CA3: variants seen among roughly 807,000 people sequenced by gnomAD.
CA3 encodes CA-III.
In CA3, 30 loss-of-function variants were observed where a neutral mutation model predicts 35.7. The ratio of observed to expected loss-of-function variants is 0.84; its 90% CI spans 0.63 to 1.14. The LOEUF (loss-of-function observed/expected upper bound fraction) is 1.14, where lower values mean the gene tolerates loss of function less well. CA3 is among the 50% of genes most tolerant of loss of function. The pLI, the probability that CA3 is intolerant of heterozygous loss-of-function variation, is 0.00. For missense variants in CA3, 295 were observed against 328.5 expected (o/e 0.90, Z 0.79); for synonymous variants, 131 against 130.8 (o/e 1.00, Z -0.01).
At position 85,444,042 on chromosome 8, in the gene CA3, G is replaced by T; in HGVS notation, c.360G>T (p.Leu120Phe). 1 of 1,608,530 alleles carries T rather than the reference G, an allele frequency of 6.2e-7. No homozygotes were observed. Among genetic ancestry groups the T allele is most frequent in the Non-Finnish European group, 8.5e-7 (1 of 1,174,890 alleles). The change falls in exon 4 of 7, where the codon TTG (leucine) becomes TTT (phenylalanine). Residue 120 changes from leucine (L) to phenylalanine (F), a missense_variant. Leu to Phe is a conservative substitution (Grantham distance 22, BLOSUM62 0). Transcript: ENST00000285381. ...GTCTTCTATGGTTTCAGCTTCATTTGGTTCACTGGAACCCGAAGTATAACA... is the reference window on the plus strand; with the variant it reads ...GTCTTCTATGGTTTCAGCTTCATTTTGTTCACTGGAACCCGAAGTATAACA... Reference protein sequence around the residue: ...DGVKYAAELHLVHWNPKYNTF... With the variant: ...DGVKYAAELHFVHWNPKYNTF...
chr8:85,446,225 C>T lies in CA3; in HGVS notation c.591C>T (p.Phe197=), dbSNP rs1358227998. The change falls in exon 6 of 7, where the codon TTC becomes TTT. Residue 197 remains phenylalanine (F), a synonymous_variant. Coordinates refer to ENST00000285381, the MANE Select transcript of CA3 (RefSeq NM_005181.4). ...ACTACTGGACCTACCAGGGCTCATT[C>T]ACCACGCCGCCCTGCGAGGAATGCA... ...CRDYWTYQGS[F]TTPPCEECIV... is the part of the protein sequence containing the mutation. 1.9e-6 allele frequency: 3 copies of T among 1,614,068 alleles called. No homozygotes were observed. The highest frequency in any genetic ancestry group is 2.2e-5 in the East Asian group (1 of 44,890).
Position 85,438,895 on chromosome 8 carries a change from C to T in CA3, c.-15C>T. On this transcript the variant is annotated 5_prime_UTR_variant, in exon 1 of 7. The change creates a new upstream start codon in the 5' untranslated region. Transcript: ENST00000285381. ...AAGAGAAAGCAGGAGCCGTCCAGCA[C>T]GGAGGAAGGCGACCATGGCCAAGGA... The T allele has an allele frequency of 6.4e-7, 1 of 1,550,982 alleles. No individual in the cohort carries two copies. Among genetic ancestry groups the T allele is most frequent in the Non-Finnish European group, 8.7e-7 (1 of 1,146,966 alleles).
At position 85,446,316 on chromosome 8, in the gene CA3, A is replaced by G; in HGVS notation, c.663+19A>G. The G allele has an allele frequency of 6.2e-7, 1 of 1,604,446 alleles. No individual in the cohort carries two copies. Reference sequence around the variant, plus strand: ...TGACCAGGTGAGCAGCCTTGTGAACACGTGGGCTTATGTTGCTGTCTGCCT... The same window carrying G: ...TGACCAGGTGAGCAGCCTTGTGAACGCGTGGGCTTATGTTGCTGTCTGCCT... On this transcript the variant is annotated intron_variant, in intron 6 of 6. Coordinates refer to ENST00000285381, the MANE Select transcript of CA3 (RefSeq NM_005181.4).
At chr8:85,441,954 C>T in intron 2 of CA3, 119 bp from the exon 3 acceptor site, 2 of 702,490 alleles carry the variant, frequency 2.8e-6, no homozygotes, top group Non-Finnish European at 5.2e-6. Context: ...TGGCACCATC[C>T]ACCCAGCAAA....
At chr8:85,439,297 C>T (rs139502344) in intron 1 of CA3, among the ~76,000 whole-genome samples, 253 of 152,264 alleles carry the variant, frequency 1.7e-3, no homozygotes, top group Middle Eastern at 3.4e-3. Flanking sequence ...GAGCTTGGTG[C>T]CGGTGTGAGA....
intron 3 of CA3, among the ~76,000 whole-genome samples, chr8:85,442,920 T>A (rs2130503378): frequency 6.6e-6 from 1 of 152,336 alleles, no homozygotes; most frequent in Middle Eastern, 3.4e-3. Context: ...GTCACACGGC[T>A]GGTGAGTGCT....
Position 85,446,176 on chromosome 8 carries a change from C to A in CA3, c.542C>A (p.Ser181Tyr). 1 of 1,613,032 alleles carries A rather than the reference C, an allele frequency of 6.2e-7. No individual in the cohort carries two copies. The highest frequency in any genetic ancestry group is 8.5e-7 in the Non-Finnish European group (1 of 1,179,354). The change falls in exon 6 of 7, where the codon TCC becomes TAC. Residue 181 changes from serine (S) to tyrosine (Y), a missense_variant. Transcript: ENST00000285381. ...KEAPFTKFDP[S>Y]CLFPACRDYW... ...GCGCCCTTCACAAAGTTTGACCCAT[C>A]CTGCCTGTTCCCGGCATGCCGGGAC...
At chr8:85,446,393 C>A in intron 6 of CA3, 96 bp downstream of exon 6, 1 of 1,344,750 alleles carries the variant, frequency 7.4e-7, no homozygotes, top group Non-Finnish European at 1.0e-6. Flanking sequence ...ACTGGATACT[C>A]ACTGAACAGC....
At chr8:85,440,508 T>C (rs1281677209) in intron 2 of CA3, among the ~76,000 whole-genome samples, 3 of 152,188 alleles carry the variant, frequency 2.0e-5, no homozygotes, top group Admixed American at 2.0e-4. Context: ...TAGTAGTTTG[T>C]GTGTGAGACA....
rs188461319 is a variant in CA3, at chr8:85,440,268, A to G, written c.232+359A>G. Among the ~76,000 whole-genome samples, 407 of 152,264 alleles carry G rather than the reference A, an allele frequency of 2.7e-3. 7 individuals carry two copies. Among genetic ancestry groups the G allele is most frequent in the South Asian group, 4.4e-3 (21 of 4,820 alleles). Reference sequence around the variant, plus strand: ...TGTGCTTCTTGTCCATGGTCTGGAGAGCCAGGCTTCCACTCTCAATTGCAT... The same window carrying G: ...TGTGCTTCTTGTCCATGGTCTGGAGGGCCAGGCTTCCACTCTCAATTGCAT... On this transcript the variant is annotated intron_variant, in intron 2 of 6. Transcript: ENST00000285381.
Position 85,446,133 on chromosome 8 carries a change from C to G in CA3, c.508-9C>G. 6.3e-7 allele frequency: 1 copy of G among 1,599,336 alleles called. No individual in the cohort carries two copies. The highest frequency in any genetic ancestry group is 8.5e-7 in the Non-Finnish European group (1 of 1,171,134). ...GCACTCACTGCACCTGCAACCTGCT[C>G]TTACCCAGGGCAAGGAGGCGCCCTT... On this transcript the variant is annotated splice_polypyrimidine_tract_variant and intron_variant, in intron 5 of 6. Transcript: ENST00000285381.
At chr8:85,444,710 CTTCT>C (rs1448361631) in intron 4 of CA3, among the ~76,000 whole-genome samples, 1 of 152,206 alleles carries the variant, frequency 6.6e-6, no homozygotes, top group Non-Finnish European at 1.5e-5. Flanking sequence ...GAAAATCTGG[CTTCT>C]TTCTCTTTGA....
chr8:85,447,643 A>T (rs1474967176), intron 6 of CA3, among the ~76,000 whole-genome samples: 2 of 152,228 alleles, frequency 1.3e-5, no homozygotes, highest in African/African-American at 4.8e-5. Context: ...AACGCCTGTA[A>T]TCCCAGTACT....
Position 85,446,270 on chromosome 8 carries a change from G to T in CA3, c.636G>T (p.Lys212Asn). 6.2e-7 allele frequency: 1 copy of T among 1,614,034 alleles called. No individual in the cohort carries two copies. Among genetic ancestry groups the T allele is most frequent in the Non-Finnish European group, 8.5e-7 (1 of 1,179,890 alleles). ...CEECIVWLLL[K>N]EPMTVSSDQM... ...AATGCATTGTGTGGCTGCTGCTGAA[G>T]GAGCCCATGACCGTGAGCTCTGACC... Residue 212 changes from lysine to asparagine, a missense_variant, in exon 6 of 7, where the codon AAG (lysine) becomes AAT (asparagine). Coordinates refer to ENST00000285381, the MANE Select transcript of CA3 (RefSeq NM_005181.4).
At chr8:85,441,158 T>G (rs1811202193) in intron 2 of CA3, among the ~76,000 whole-genome samples, 1 of 152,216 alleles carries the variant, frequency 6.6e-6, no homozygotes. Context: ...CTGGGCCACT[T>G]AGTGTGGGCA....
chr8:85,446,797 C>A (rs1811299091), intron 6 of CA3, among the ~76,000 whole-genome samples: 1 of 152,200 alleles, frequency 6.6e-6, no homozygotes, highest in East Asian at 1.9e-4. Context: ...TCTAATCCCA[C>A]CTCCAAACTG....
At chr8:85,439,113 T>C (rs1811170443) in intron 1 of CA3, among the ~76,000 whole-genome samples, 170 bp downstream of exon 1, 1 of 152,262 alleles carries the variant, frequency 6.6e-6, no homozygotes, top group South Asian at 2.1e-4. Flanking sequence ...CTTCTTTTTT[T>C]CCTTCATCTC....
rs974584471 is a variant in CA3 at position 85,445,162 on chromosome 8, C to G, written c.451C>G (p.His151Asp). 4 of 1,602,108 alleles carry G rather than the reference C, an allele frequency of 2.5e-6. No individual in the cohort carries two copies. The highest frequency in any genetic ancestry group is 3.4e-6 in the Non-Finnish European group (4 of 1,171,178). ...AVIGIFLKIG[H>D]ENGEFQIFLD... ...GATTTCTGTTTTCTTACAGATAGGA[C>G]ATGAGAATGGCGAGTTCCAGATTTT... Residue 151 changes from histidine to aspartate, a missense_variant, in exon 5 of 7, where the codon CAT becomes GAT. Coordinates refer to ENST00000285381, the MANE Select transcript of CA3 (RefSeq NM_005181.4).
In CA3 at chr8:85,438,896, G is replaced by T. The variant is rs996379300; in HGVS notation, c.-14G>T. 4.5e-6 allele frequency: 7 copies of T among 1,551,066 alleles called. No homozygotes were observed. The highest frequency in any genetic ancestry group is 5.2e-6 in the Non-Finnish European group (6 of 1,146,992). On this transcript the variant is annotated 5_prime_UTR_variant, in exon 1 of 7. Coordinates refer to ENST00000285381, the MANE Select transcript of CA3 (RefSeq NM_005181.4). ...AGAGAAAGCAGGAGCCGTCCAGCAC[G>T]GAGGAAGGCGACCATGGCCAAGGAG...
Sources: allele counts gnomAD v4.1 joint callset (sites outside exome capture counted in the v4.1 genomes callset), GRCh38; gene constraint gnomAD v4.1.1; transcripts MANE v1.5; gene names NCBI Gene and HGNC (gene_info 2026-07-23, HGNC 2026-07-21).